Variants in MORC2 observed in about 807,000 individuals in gnomAD.
MORC2 encodes the protein MORC family CW-type zinc finger 2.
MORC2 carries 30 observed loss-of-function variants against 136.0 expected under a neutral mutation model. The ratio of observed to expected loss-of-function variants is 0.22; its 90% CI spans 0.17 to 0.30. The LOEUF is 0.30. MORC2 is among the 10% of genes least tolerant of loss of function. MORC2 has a pLI of 1.00. For missense variants in MORC2, 922 were observed against 1,333.1 expected, an observed-to-expected ratio of 0.69 and a Z score of 4.80; for synonymous variants, 439 against 487.0, an observed-to-expected ratio of 0.90 and a Z score of 1.30.
At chr22:30,943,889 C>A (rs2040776486) in intron 6 of MORC2, among the ~76,000 whole-genome samples, 1 of 152,134 alleles carries the variant, frequency 6.6e-6, no homozygotes, top group South Asian at 2.1e-4. Context: ...CCTGCCTCAG[C>A]CTCTCAAGTA....
intron 3 of MORC2, among the ~76,000 whole-genome samples, chr22:30,956,542 T>C (rs572349549): frequency 1.3e-5 from 2 of 152,368 alleles, no homozygotes; most frequent in Admixed American, 6.5e-5. Context: ...TAGATTTGGA[T>C]ACCTTGTGTT....
At chr22:30,939,854 A>G (rs1483962649) in intron 11 of MORC2, 105 bp downstream of exon 11, 35 of 1,371,188 alleles carry the variant, frequency 2.6e-5, no homozygotes, top group Non-Finnish European at 3.3e-5. Context: ...AACAGCCCTC[A>G]CTGGGGACAA....
At position 30,939,720 on chromosome 22, in the gene MORC2, C is replaced by T. The variant is rs774380178; in HGVS notation, c.988-14G>A. 6.2e-6 allele frequency: 10 copies of T among 1,612,324 alleles called. No individual in the cohort carries two copies. Among genetic ancestry groups the T allele is most frequent in the Non-Finnish European group, 8.5e-6 (10 of 1,178,796 alleles). The stretch of plus-strand genomic sequence containing the variant: ...TCGCAACATCACCTGCACACATTGA[C>T]ATCAGGTGAGGGGAGGTGGCACTCT... On this transcript the variant is annotated splice_polypyrimidine_tract_variant and intron_variant, in intron 11 of 25. Transcript: ENST00000397641.
At chr22:30,962,758 A>T (rs1020745765) in intron 1 of MORC2, among the ~76,000 whole-genome samples, 1 of 152,194 alleles carries the variant, frequency 6.6e-6, no homozygotes, top group Non-Finnish European at 1.5e-5. Context: ...TTTTGTGACC[A>T]CTGTTGGTAA....
At chr22:30,962,261 C>G (rs1322997440) in intron 1 of MORC2, among the ~76,000 whole-genome samples, 3 of 151,314 alleles carry the variant, frequency 2.0e-5, no homozygotes, top group African/African-American at 7.3e-5. Context: ...ATATTTAGAA[C>G]TTTCAAAAAA....
At chr22:30,953,729 C>A (rs578068227) in intron 3 of MORC2, among the ~76,000 whole-genome samples, 1 of 152,210 alleles carries the variant, frequency 6.6e-6, no homozygotes, top group African/African-American at 2.4e-5. Flanking sequence ...TCAAGAAAGT[C>A]AACAAAAACA....
In MORC2 at chr22:30,932,417, G is replaced by T. The variant is rs2040588731; in HGVS notation, c.2783C>A (p.Pro928His). ...AGCACTCAGCTGCTTCTTGGAGATGGGGAAACTTGGAGGCAGGAAGTACCG... is the reference window on the plus strand; with the variant it reads ...AGCACTCAGCTGCTTCTTGGAGATGTGGAAACTTGGAGGCAGGAAGTACCG... ...CLRYFLPPSF[P>H]ISKKQLSAMN... is the part of the protein sequence containing the mutation. The change falls in exon 24 of 26, where the codon CCC (proline) becomes CAC (histidine). Residue 928 changes from proline to histidine, a missense_variant. Physicochemically the swap from Pro to His is moderately conservative, Grantham distance 77. Transcript: ENST00000397641. This position sits in a 1 kb window ranked among gnomAD's most constrained non-coding sequence, Gnocchi z 4.4. 1.9e-6 allele frequency: 3 copies of T among 1,614,154 alleles called. No homozygotes were observed. The highest frequency in any genetic ancestry group is 2.5e-6 in the Non-Finnish European group (3 of 1,180,004).
chr22:30,952,283 G>A (rs1312550783), intron 3 of MORC2, among the ~76,000 whole-genome samples: 5 of 152,178 alleles, frequency 3.3e-5, no homozygotes, highest in East Asian at 3.8e-4. Context: ...CACTACAGCC[G>A]CAAAATGTGC....
At chr22:30,947,161 C>T (rs1461567268) in intron 5 of MORC2, among the ~76,000 whole-genome samples, 1 of 152,216 alleles carries the variant, frequency 6.6e-6, no homozygotes, top group African/African-American at 2.4e-5. Context: ...AGTGTTTTGC[C>T]ACCTCAAGCT....
At chr22:30,967,116 G>A (rs2041139853) in intron 1 of MORC2, 18 of 985,236 alleles carry the variant, frequency 1.8e-5, no homozygotes, top group Non-Finnish European at 2.2e-5. Flanking sequence ...AAGTTTTGAC[G>A]CTACTGGACA....
chr22:30,966,709 T>C (rs1349718137), intron 1 of MORC2, among the ~76,000 whole-genome samples: 1 of 151,662 alleles, frequency 6.6e-6, no homozygotes, highest in Non-Finnish European at 1.5e-5. Flanking sequence ...ACCTGGGAGG[T>C]GAAGGTTGCA....
Position 30,941,318 on chromosome 22 carries a change from C to T in MORC2, c.824+115G>A, listed in dbSNP as rs572323499. On this transcript the variant is annotated intron_variant, in intron 9 of 25. Coordinates refer to ENST00000397641, the MANE Select transcript of MORC2 (RefSeq NM_001303256.3). This position sits in a 1 kb window ranked among gnomAD's most constrained non-coding sequence, Gnocchi z 4.6. ...ATCACAGGCAACTTAAAGTCCCAAA[C>T]GTAGTCAGCACTGCCAGAGCCTCTT... The T allele has an allele frequency of 1.2e-5, 17 of 1,425,058 alleles. No homozygotes were observed. Among genetic ancestry groups the T allele is most frequent in the African/African-American group, 1.4e-5 (1 of 70,152 alleles). The allele number at this position is 1,425,058 out of a possible 1,614,324, so 88.3% of individuals were successfully genotyped here. A position where few individuals can be genotyped will look rare whatever the true frequency, so the allele number is the denominator to read the frequency against.
intron 1 of MORC2, among the ~76,000 whole-genome samples, chr22:30,962,348 A>G (rs2041059520): frequency 6.6e-6 from 1 of 152,070 alleles, no homozygotes; most frequent in South Asian, 2.1e-4. Context: ...AGATGCCTTT[A>G]GCCCAGGAAT....
At position 30,958,627 on chromosome 22, in the gene MORC2, T is replaced by A. The variant is rs963583899; in HGVS notation, c.122+14A>T. On this transcript the variant is annotated intron_variant, in intron 2 of 25. Transcript: ENST00000397641. ...CCACTTCAAGCACAGATTGTATGCC[T>A]GAAGACTACATACCTTGCATTATCA... 2 of 1,543,656 alleles carry A rather than the reference T, an allele frequency of 1.3e-6. No individual in the cohort carries two copies. Among genetic ancestry groups the A allele is most frequent in the African/African-American group, 2.7e-5 (2 of 72,804 alleles).
intron 10 of MORC2, 34 bp downstream of exon 10, chr22:30,940,724 A>G: frequency 6.3e-7 from 1 of 1,591,230 alleles, no homozygotes; most frequent in Non-Finnish European, 8.6e-7. Context: ...CCAGATGCAC[A>G]CCCCCCCAAC....
chr22:30,966,220 G>T (rs1208310237), intron 1 of MORC2, among the ~76,000 whole-genome samples: 1 of 152,192 alleles, frequency 6.6e-6, no homozygotes, highest in Non-Finnish European at 1.5e-5. Context: ...GGTCTTCCAA[G>T]ATTATCATAA....
At chr22:30,962,217 AAAAGAAAGAAAG>A (rs989342630) in intron 1 of MORC2, among the ~76,000 whole-genome samples, 12 of 151,760 alleles carry the variant, frequency 7.9e-5, no homozygotes, top group African/African-American at 2.7e-4. Context: ...CAAAAAAAAA[AAAAGAAAGAAAG>A]AAAGAAAGAA....
chr22:30,963,023 G>A (rs2041072669), intron 1 of MORC2, among the ~76,000 whole-genome samples: 1 of 152,076 alleles, frequency 6.6e-6, no homozygotes, highest in East Asian at 1.9e-4. Flanking sequence ...ACCCAGGCTG[G>A]AGTGCAGTGG....
In MORC2 at chr22:30,933,011, C is replaced by T. The variant is rs2040598377; in HGVS notation, c.2400G>A (p.Glu800=). The change falls in exon 22 of 26, where the codon GAG becomes GAA. Residue 800 remains glutamate, a synonymous_variant. Transcript: ENST00000397641. Reference sequence around the variant, plus strand: ...TGTACCACTCCCTGTTCACACGCACCTCCACGTGCAGCCCTTTATCTGACA... The same window carrying T: ...TGTACCACTCCCTGTTCACACGCACTTCCACGTGCAGCCCTTTATCTGACA... ...RAQKDKGLHV[E]VRVNREWYTG... 1 of 1,613,996 alleles carries T rather than the reference C, an allele frequency of 6.2e-7. No individual in the cohort carries two copies. The highest frequency in any genetic ancestry group is 1.3e-5 in the African/African-American group (1 of 74,930).
Sources: gnomAD v4.1 joint callset for allele counts (sites outside exome capture counted in the v4.1 genomes callset) on GRCh38, gnomAD v4.1.1 for gene constraint, Gnocchi (gnomAD v3.1) non-coding constraint, MANE v1.5 for transcripts, NCBI Gene and HGNC (gene_info 2026-07-23, HGNC 2026-07-21) for gene names.